TTC7A: variants seen among roughly 807,000 people sequenced by gnomAD.
The protein encoded by TTC7A is tetratricopeptide repeat domain 7A.
Under a neutral mutation model 103.7 loss-of-function variants are expected in TTC7A, and 110 were observed. That is an observed-to-expected ratio of 1.06 (90% confidence interval 0.91 to 1.24). The LOEUF (loss-of-function observed/expected upper bound fraction) is 1.24. Among genes scored for constraint, TTC7A ranks in the 50% most tolerant of loss-of-function variants. The pLI is 0.00. For missense variants in TTC7A, 1,340 were observed against 1,116.3 expected (o/e 1.20, Z -2.86); for synonymous variants, 521 against 467.9 (o/e 1.11, Z -1.47).
Position 47,075,255 on chromosome 2 carries a change from C to T in TTC7A, c.*1332C>T, listed in dbSNP as rs991651402. 5.9e-5 allele frequency: 9 copies of T among 152,162 alleles called. No individual in the cohort carries two copies. The highest frequency in any genetic ancestry group is 2.2e-4 in the African/African-American group (9 of 41,430). The allele number at this position is 152,162 out of a possible 1,614,324, so 9.4% of individuals were successfully genotyped here. ...ACCACAGAGGACCCTGGATCCTTTGCCTCTTCTTGGTTGAAGGATCTCTAT... is the reference window on the plus strand; with the variant it reads ...ACCACAGAGGACCCTGGATCCTTTGTCTCTTCTTGGTTGAAGGATCTCTAT... On this transcript the variant is annotated 3_prime_UTR_variant, in exon 20 of 20. Transcript: ENST00000319190.
intron 8 of TTC7A, among the ~76,000 whole-genome samples, chr2:47,005,257 T>C (rs1182832337): frequency 6.6e-6 from 1 of 151,898 alleles, no homozygotes; most frequent in African/African-American, 2.4e-5. Context: ...GGAATGTCGT[T>C]GTCAAAGCTA....
At position 47,052,034 on chromosome 2, in the gene TTC7A, T is replaced by C. The variant is rs139174742; in HGVS notation, c.2152+154T>C. Among the ~76,000 whole-genome samples, 181 of 152,282 alleles carry C rather than the reference T, an allele frequency of 1.2e-3. 2 individuals carry two copies. The highest frequency in any genetic ancestry group is 2.2e-3 in the Non-Finnish European group (151 of 68,014). On this transcript the variant is annotated intron_variant, in intron 18 of 19. Coordinates refer to ENST00000319190, the MANE Select transcript of TTC7A (RefSeq NM_020458.4). ...CCTCGCCTCTGGCTGTGGGTCTCCT[T>C]CTCTGCCCAGTGGAGATGGTGTCTG...
Position 47,029,278 on chromosome 2 carries a change from G to T in TTC7A, c.1696G>T (p.Ala566Ser). The T allele has an allele frequency of 6.2e-7, 1 of 1,614,060 alleles. No homozygotes were observed. The highest frequency in any genetic ancestry group is 2.2e-5 in the East Asian group (1 of 44,880). Residue 566 changes from alanine to serine, a missense_variant, in exon 15 of 20, where the codon GCC becomes TCC. By Grantham distance (99) the Ala-to-Ser change is moderately conservative. Coordinates refer to ENST00000319190, the MANE Select transcript of TTC7A (RefSeq NM_020458.4). ...QEALKVRKDD[A>S]HALHLLALLF... ...GGCCCTGAAGGTACGCAAGGATGAT[G>T]CCCACGCCCTCCACCTGCTGGCACT...
At chr2:46,986,925 A>G (rs1675073063) in intron 5 of TTC7A, among the ~76,000 whole-genome samples, 1 of 152,122 alleles carries the variant, frequency 6.6e-6, no homozygotes, top group Non-Finnish European at 1.5e-5. Context: ...GTCTCTGGCT[A>G]AGCCTGAGAC....
Position 46,931,288 on chromosome 2 carries a change from A to G in TTC7A, c.82+14011A>G, listed in dbSNP as rs566730979. ...TTAAATATAGACAGGGTCTGGCTCT[A>G]TTGCCCAGGCTAGTCTCGAACTCCT... On this transcript the variant is annotated intron_variant, in intron 2 of 20. Transcript: ENST00000409245. Among the ~76,000 whole-genome samples the G allele has an allele frequency of 2.6e-5, 4 of 152,316 alleles. 1 individual carries two copies. Among genetic ancestry groups the G allele is most frequent in the African/African-American group, 9.6e-5 (4 of 41,574 alleles).
Position 47,023,422 on chromosome 2 carries a change from A to C in TTC7A, c.1525A>C (p.Lys509Gln). ...LQATDATLKS[K>Q]QDELHRKALQ... ...GTCCCCTGCAGCCACCCTGAAGTCC[A>C]AGCAAGATGAATTGCACCGGAAGGC... is the stretch of plus-strand genomic sequence containing the variant. Residue 509 changes from lysine to glutamine, a missense_variant, in exon 13 of 20, where the codon AAG (lysine) becomes CAG (glutamine). By Grantham distance (53) the Lys-to-Gln change is moderately conservative. Transcript: ENST00000319190. The C allele has an allele frequency of 6.2e-7, 1 of 1,614,070 alleles. No homozygotes were observed. The highest frequency in any genetic ancestry group is 8.5e-7 in the Non-Finnish European group (1 of 1,179,988).
chr2:46,941,364 GTGCTGCTGC>G lies in TTC7A; in HGVS notation c.-165_-157del, dbSNP rs997844606. The G allele has an allele frequency of 2.7e-4, 104 of 384,152 alleles. No homozygotes were observed. In the East Asian group the frequency reaches 7.5e-3, roughly 28 times the overall value. The allele number at this position is 384,152 out of a possible 1,614,324, so 23.8% of individuals were successfully genotyped here. On this transcript the variant is annotated 5_prime_UTR_variant, in exon 1 of 20. Coordinates refer to ENST00000319190, the MANE Select transcript of TTC7A (RefSeq NM_020458.4). This position sits in a 1 kb window ranked among gnomAD's most constrained non-coding sequence, Gnocchi z 4.2. ...CCGGGCGGTGCGCTGGGAGCTGCTGGTGCTGCTGCTGCTGCTGCTGCCCACCCTCCGCCG... is the reference window on the plus strand; with the variant it reads ...CCGGGCGGTGCGCTGGGAGCTGCTGGTGCTGCTGCTGCCCACCCTCCGCCG...
intron 19 of TTC7A, among the ~76,000 whole-genome samples, chr2:47,067,601 C>G (rs1394618998): frequency 6.6e-6 from 1 of 152,206 alleles, no homozygotes; most frequent in African/African-American, 2.4e-5. Context: ...GAGGCACCTG[C>G]AGGTTGGAGC....
intron 4 of TTC7A, 41 bp from the exon 5 acceptor site, chr2:46,978,751 G>A (rs1231999659): frequency 6.4e-7 from 1 of 1,558,984 alleles, no homozygotes; most frequent in Non-Finnish European, 8.8e-7. Context: ...CTCTGCCTCA[G>A]AACTTTGAGA....
At chr2:47,023,686 G>A (rs1295359074) in intron 13 of TTC7A, among the ~76,000 whole-genome samples, 5 of 152,164 alleles carry the variant, frequency 3.3e-5, no homozygotes, top group South Asian at 2.1e-4. Flanking sequence ...CACAAGTCTC[G>A]GTTCCTGCTC....
At chr2:47,039,460 C>G (rs534465429) in intron 15 of TTC7A, among the ~76,000 whole-genome samples, 26 of 152,286 alleles carry the variant, frequency 1.7e-4, no homozygotes, top group Admixed American at 4.6e-4. Context: ...ATTGGTGCCC[C>G]CAGGTAAGGG....
chr2:47,073,628 G>C (rs1237416527), intron 19 of TTC7A, 74 bp from the exon 20 acceptor site: 1 of 1,345,176 alleles, frequency 7.4e-7, no homozygotes, highest in Admixed American at 1.7e-5. Flanking sequence ...CCGTGCACCT[G>C]TGCTTGGCCC....
At chr2:47,036,422 T>C (rs1681113302) in intron 15 of TTC7A, among the ~76,000 whole-genome samples, 1 of 152,204 alleles carries the variant, frequency 6.6e-6, no homozygotes, top group Admixed American at 6.5e-5. Context: ...AGTCTAATCC[T>C]CCAGACCGAA....
intron 1 of TTC7A, among the ~76,000 whole-genome samples, chr2:46,946,661 G>T (rs1366407953): frequency 6.6e-6 from 1 of 152,172 alleles, no homozygotes; most frequent in Non-Finnish European, 1.5e-5. Flanking sequence ...GTCTCAATCA[G>T]TCCTACCACC....
At chr2:46,980,207 A>ACT (rs1175808971) in intron 5 of TTC7A, among the ~76,000 whole-genome samples, 13 of 137,842 alleles carry the variant, frequency 9.4e-5, no homozygotes, top group South Asian at 2.3e-4. Context: ...TCTACCCTAT[A>ACT]CTCTCTCTCT....
intron 1 of TTC7A, among the ~76,000 whole-genome samples, chr2:46,942,079 G>A (rs928542091): frequency 6.6e-6 from 1 of 152,208 alleles, no homozygotes; most frequent in Non-Finnish European, 1.5e-5. Context: ...ACTCCATCAG[G>A]TGAAGTGTGT....
intron 14 of TTC7A, 123 bp downstream of exon 14, chr2:47,024,482 T>C (rs1679665577): frequency 3.5e-6 from 3 of 859,546 alleles, no homozygotes; most frequent in South Asian, 1.8e-5. Context: ...TGTTTCCTTA[T>C]CTGTCATGTA....
At chr2:46,952,884 A>G (rs12479328) in intron 2 of TTC7A, among the ~76,000 whole-genome samples, 26,933 of 152,150 alleles carry the variant, frequency 0.18, 2,489 homozygotes, top group Middle Eastern at 0.21. Context: ...ATATATACAC[A>G]CAGATATTTC....
At chr2:47,057,787 G>A (rs1359081379) in intron 18 of TTC7A, among the ~76,000 whole-genome samples, 1 of 152,162 alleles carries the variant, frequency 6.6e-6, no homozygotes, top group Non-Finnish European at 1.5e-5. Flanking sequence ...CAGCCTTCAG[G>A]CTCCAGCTCC....
Sources: allele counts gnomAD v4.1 joint callset (sites outside exome capture counted in the v4.1 genomes callset), GRCh38; gene constraint gnomAD v4.1.1; non-coding constraint Gnocchi (gnomAD v3.1); transcripts MANE v1.5; gene names NCBI Gene and HGNC (gene_info 2026-07-23, HGNC 2026-07-21).